NAV2: variants seen among roughly 807,000 people sequenced by gnomAD.
NAV2 encodes the protein helicase, APC down-regulated 1.
In NAV2, 54 loss-of-function variants were observed where a neutral mutation model predicts 223.2. That is an observed-to-expected ratio of 0.24 (90% CI 0.19 to 0.30). The LOEUF (loss-of-function observed/expected upper bound fraction) is 0.30. NAV2 is among the 10% of genes least tolerant of loss of function. The pLI is 1.00. For missense variants in NAV2, 2,806 were observed against 3,147.5 expected, an observed-to-expected ratio of 0.89 and a Z score of 2.60; for synonymous variants, 1,279 against 1,239.3, an observed-to-expected ratio of 1.03 and a Z score of -0.67.
chr11:19,572,020 C>T (rs1565061352), intron 1 of NAV2, among the ~76,000 whole-genome samples: 1 of 152,160 alleles, frequency 6.6e-6, no homozygotes, highest in Non-Finnish European at 1.5e-5. Flanking sequence ...AGTAGACTGG[C>T]AGGTAGAACC....
intron 10 of NAV2, chr11:19,979,171 T>A (rs777681724): frequency 5.3e-5 from 8 of 152,196 alleles, no homozygotes; most frequent in Non-Finnish European, 8.8e-5. Context: ...CAGACAGGAC[T>A]AGGAAATGGT....
At position 19,618,354 on chromosome 11, in the gene NAV2, C is replaced by CTGGATGGATGGA. The variant is rs371135207; in HGVS notation, c.76-214099_76-214088dup. ...GATGGATGGATTGCTTGATGGATTGCTGGATGGATGGATGGATGGATGGAT... is the reference window on the plus strand; with the variant it reads ...GATGGATGGATTGCTTGATGGATTGCTGGATGGATGGATGGATGGATGGATGGATGGATGGAT... On this transcript the variant is annotated intron_variant, in intron 1 of 37. Coordinates refer to the NAV2 transcript ENST00000360655. 4.8e-4 allele frequency among the ~76,000 whole-genome samples: 51 copies of CTGGATGGATGGA among 106,168 alleles called. 2 individuals are homozygous for CTGGATGGATGGA. The highest frequency in any genetic ancestry group is 4.2e-3 in the Admixed American group (42 of 9,928). 69.7% of individuals were successfully genotyped at this position (106,168 alleles called of 152,430 possible).
At chr11:19,392,947 A>G (rs772349668) in intron 1 of NAV2, among the ~76,000 whole-genome samples, 1 of 152,208 alleles carries the variant, frequency 6.6e-6, no homozygotes, top group Non-Finnish European at 1.5e-5. Context: ...AGTGAGTGCC[A>G]GAGCAGGGAT....
chr11:19,534,674 T>G (rs1263020828), intron 1 of NAV2, among the ~76,000 whole-genome samples: 1 of 152,156 alleles, frequency 6.6e-6, no homozygotes, highest in Non-Finnish European at 1.5e-5. Context: ...GGCATGGAAC[T>G]TGGAGCAGCA....
chr11:19,394,770 T>C (rs1042636133), intron 1 of NAV2, among the ~76,000 whole-genome samples: 5 of 151,726 alleles, frequency 3.3e-5, no homozygotes, highest in African/African-American at 7.3e-5. Flanking sequence ...CCCAGTGAGG[T>C]GGGGAGTGGT....
intron 19 of NAV2, among the ~76,000 whole-genome samples, chr11:20,061,534 G>A (rs377176060): frequency 1.3e-5 from 2 of 148,514 alleles, no homozygotes; most frequent in South Asian, 4.2e-4. Context: ...GTGCCATTGC[G>A]CTCCAGCCTG....
chr11:19,998,988 C>A lies in NAV2; in HGVS notation c.2768+14741C>A, dbSNP rs902659342. 6.6e-6 allele frequency among the ~76,000 whole-genome samples: 1 copy of A among 152,246 alleles called. No individual in the cohort carries two copies. The highest frequency in any genetic ancestry group is 2.1e-4 in the South Asian group (1 of 4,828). On this transcript the variant is annotated intron_variant, in intron 11 of 37. Coordinates refer to ENST00000349880, the MANE Select transcript of NAV2 (RefSeq NM_145117.5). This position sits in a 1 kb window ranked among gnomAD's most constrained non-coding sequence, Gnocchi z 5.0. Reference sequence around the variant, plus strand: ...GTGAATCCCCTCTCCCAGCACAGGGCCCGTCCAGAGAGGGTGCTTATTACA... The same window carrying A: ...GTGAATCCCCTCTCCCAGCACAGGGACCGTCCAGAGAGGGTGCTTATTACA...
rs114509240 is a variant in NAV2, at chr11:19,507,859, G to A, written c.75+156832G>A. Among the ~76,000 whole-genome samples the A allele has an allele frequency of 7.0e-3, 1,073 of 152,230 alleles. 9 individuals carry two copies. Among genetic ancestry groups the A allele is most frequent in the African/African-American group, 0.024 (994 of 41,536 alleles). On this transcript the variant is annotated intron_variant, in intron 1 of 37. Coordinates refer to the NAV2 transcript ENST00000360655. ...ATCCTCAAGTTATAGATCAGGACAC[G>A]GAGGTTCAGAGATTTGCCTGAGGTC... is the stretch of plus-strand genomic sequence containing the variant.
intron 1 of NAV2, among the ~76,000 whole-genome samples, chr11:19,678,963 G>T (rs1353951997): frequency 6.6e-6 from 1 of 152,198 alleles, no homozygotes; most frequent in African/African-American, 2.4e-5. Flanking sequence ...TGTGGCATCT[G>T]TTATGTTGAC....
intron 1 of NAV2, among the ~76,000 whole-genome samples, chr11:19,582,022 T>A (rs1351982671): frequency 1.3e-5 from 2 of 152,174 alleles, no homozygotes; most frequent in Admixed American, 6.5e-5. Flanking sequence ...CCTCTCCAGC[T>A]CCTGTTGTTT....
intron 1 of NAV2, among the ~76,000 whole-genome samples, chr11:19,777,099 C>T (rs895394691): frequency 6.6e-6 from 1 of 150,688 alleles, no homozygotes; most frequent in Non-Finnish European, 1.5e-5. Flanking sequence ...GCCGACCCCC[C>T]CCCCCACCCC....
chr11:20,107,239 GGC>G (rs1166673264), intron 35 of NAV2: 8 of 150,220 alleles, frequency 5.3e-5, no homozygotes, highest in African/African-American at 1.5e-4. Flanking sequence ...CACCACGCCT[GGC>G]TAGTTTTTTT....
At chr11:19,696,111 A>G (rs1165639739) in intron 1 of NAV2, among the ~76,000 whole-genome samples, 1 of 152,046 alleles carries the variant, frequency 6.6e-6, no homozygotes, top group African/African-American at 2.4e-5. Context: ...TCCTCCATAC[A>G]TAGAAATGCT....
intron 1 of NAV2, among the ~76,000 whole-genome samples, chr11:19,424,058 G>A (rs555178822): frequency 6.6e-6 from 1 of 152,320 alleles, no homozygotes; most frequent in South Asian, 2.1e-4. Context: ...ATGCTGCACT[G>A]TGATAAACTA....
chr11:19,912,670 C>T (rs548002646), intron 6 of NAV2, among the ~76,000 whole-genome samples: 3 of 152,296 alleles, frequency 2.0e-5, no homozygotes, highest in East Asian at 3.9e-4. Flanking sequence ...CATGTTTCTT[C>T]TTCTAACCCT....
intron 1 of NAV2, among the ~76,000 whole-genome samples, chr11:19,608,483 G>A (rs1448292116): frequency 6.6e-6 from 1 of 152,238 alleles, no homozygotes; most frequent in Non-Finnish European, 1.5e-5. Flanking sequence ...AGTCCACTTC[G>A]GGATGTGAAC....
chr11:19,799,755 A>T (rs1368349313), intron 1 of NAV2, among the ~76,000 whole-genome samples: 1 of 152,178 alleles, frequency 6.6e-6, no homozygotes, highest in East Asian at 1.9e-4. Flanking sequence ...AATGAGGTCA[A>T]GTGTGCGGGT....
At chr11:19,715,399 G>C (rs981285132) in intron 1 of NAV2, among the ~76,000 whole-genome samples, 6 of 152,094 alleles carry the variant, frequency 3.9e-5, no homozygotes, top group African/African-American at 1.2e-4. Context: ...TCTGCCATGG[G>C]GGTGAGCACC....
At chr11:19,574,015 G>A (rs1174266091) in intron 1 of NAV2, among the ~76,000 whole-genome samples, 1 of 152,202 alleles carries the variant, frequency 6.6e-6, no homozygotes, top group Non-Finnish European at 1.5e-5. Flanking sequence ...CTTCCCTGGA[G>A]AGCTGGCTGC....
Sources: gnomAD v4.1 joint callset for allele counts (sites outside exome capture counted in the v4.1 genomes callset) on GRCh38, gnomAD v4.1.1 for gene constraint, Gnocchi (gnomAD v3.1) non-coding constraint, MANE v1.5 for transcripts, NCBI Gene and HGNC (gene_info 2026-07-23, HGNC 2026-07-21) for gene names.